Variants in MAF observed in about 807,000 individuals in gnomAD.
The protein encoded by MAF is MAF bZIP transcription factor.
A neutral mutation model predicts 22.0 loss-of-function variants in MAF; 10 were observed. The observed-to-expected ratio is 0.45, with a 90% CI of 0.28 to 0.77. MAF has a LOEUF of 0.77. Ranked by LOEUF, MAF falls within the 30% of genes least tolerant of loss-of-function variation. The probability of loss-of-function intolerance (pLI) is 0.12; values close to 1 mark genes in which losing one functional copy is unlikely to be tolerated. For missense variants in MAF, 544 were observed against 548.4 expected, an observed-to-expected ratio of 0.99 and a Z score of 0.08; for synonymous variants, 337 against 255.8, an observed-to-expected ratio of 1.32 and a Z score of -3.03.
At chr16:79,395,155 G>A in the MAF span, among the ~76,000 whole-genome samples, 1 of 152,170 alleles carries the variant, frequency 6.6e-6, no homozygotes, top group Non-Finnish European at 1.5e-5. Flanking sequence ...AAAGCGGTGG[G>A]CACTGGGACA....
At chr16:79,377,644 C>G in the MAF span, among the ~76,000 whole-genome samples, 2 of 152,006 alleles carry the variant, frequency 1.3e-5, no homozygotes, top group African/African-American at 2.4e-5. Flanking sequence ...TTTCTTCTAG[C>G]GTTTTTATGG....
At chr16:79,511,867 T>C in the MAF span, among the ~76,000 whole-genome samples, 486 of 152,304 alleles carry the variant, frequency 3.2e-3, 2 homozygotes, top group African/African-American at 0.011. Context: ...TAATAAATTC[T>C]ACATATTTAC....
chr16:79,524,597 T>C, the MAF span, among the ~76,000 whole-genome samples: 2 of 152,370 alleles, frequency 1.3e-5, no homozygotes, highest in South Asian at 4.1e-4. Context: ...GGTTGCATTA[T>C]ACATTTTTTA....
At chr16:79,212,963 A>ATTACT in the MAF span, 2 of 152,216 alleles carry the variant, frequency 1.3e-5, no homozygotes, top group African/African-American at 2.4e-5. Context: ...ATGTTTTGTT[A>ATTACT]TTACTTACTT....
At chr16:79,323,075 G>C in the MAF span, among the ~76,000 whole-genome samples, 1 of 146,986 alleles carries the variant, frequency 6.8e-6, no homozygotes. Context: ...GTGTGAACCT[G>C]GGAGGCAGAG....
the MAF span, among the ~76,000 whole-genome samples, chr16:79,471,027 C>G: frequency 6.6e-6 from 1 of 152,190 alleles, no homozygotes; most frequent in Non-Finnish European, 1.5e-5. Context: ...ACCTCCCACC[C>G]TAGTCTTCAC....
the MAF span, among the ~76,000 whole-genome samples, chr16:79,347,114 G>C: frequency 6.6e-6 from 1 of 152,234 alleles, no homozygotes; most frequent in Non-Finnish European, 1.5e-5. Flanking sequence ...AATGCTTCCT[G>C]TTCTTGTGAG....
At chr16:79,376,889 T>C in the MAF span, among the ~76,000 whole-genome samples, 3 of 152,250 alleles carry the variant, frequency 2.0e-5, no homozygotes, top group Admixed American at 6.5e-5. Flanking sequence ...TTCCATGGTG[T>C]ATATATGCCA....
chr16:79,400,326 C>T, the MAF span, among the ~76,000 whole-genome samples: 5 of 152,206 alleles, frequency 3.3e-5, no homozygotes, highest in Non-Finnish European at 5.9e-5. Context: ...CTGACTACAA[C>T]TTGTGCCAGT....
the MAF span, among the ~76,000 whole-genome samples, chr16:79,467,222 A>C: frequency 3.7e-4 from 56 of 152,098 alleles, no homozygotes; most frequent in East Asian, 0.01. Flanking sequence ...GCTCAATTTC[A>C]TTAGGGGGTC....
the MAF span, among the ~76,000 whole-genome samples, chr16:79,402,329 A>T: frequency 2.0e-5 from 3 of 152,338 alleles, no homozygotes; most frequent in Admixed American, 6.5e-5. Context: ...GTGGGTGAGA[A>T]GGAGAGAGAA....
At chr16:79,299,749 C>G in the MAF span, among the ~76,000 whole-genome samples, 1 of 152,372 alleles carries the variant, frequency 6.6e-6, no homozygotes, top group African/African-American at 2.4e-5. Context: ...CCTGGCTCCA[C>G]ATGGGTGCCC....
At chr16:79,457,072 G>T in the MAF span, among the ~76,000 whole-genome samples, 1 of 152,228 alleles carries the variant, frequency 6.6e-6, no homozygotes, top group Non-Finnish European at 1.5e-5. Context: ...GGTCATTGCT[G>T]TTGAAGAAAA....
the MAF span, among the ~76,000 whole-genome samples, chr16:79,429,889 G>T: frequency 6.6e-6 from 1 of 152,144 alleles, no homozygotes; most frequent in Non-Finnish European, 1.5e-5. Context: ...ATAATTTGTA[G>T]GTCTTGCTGG....
chr16:79,380,246 A>C, the MAF span, among the ~76,000 whole-genome samples: 1 of 152,254 alleles, frequency 6.6e-6, no homozygotes, highest in Non-Finnish European at 1.5e-5. Context: ...TATATTCATT[A>C]GAATAGCTGC....
chr16:79,338,520 A>G, the MAF span, among the ~76,000 whole-genome samples: 3 of 152,344 alleles, frequency 2.0e-5, no homozygotes, highest in Non-Finnish European at 4.4e-5. Context: ...AAGATATCCA[A>G]TGAGAACAAT....
the MAF span, among the ~76,000 whole-genome samples, chr16:79,471,527 A>G: frequency 1.3e-5 from 2 of 152,120 alleles, no homozygotes; most frequent in Admixed American, 6.5e-5. Flanking sequence ...ACCCACAAAA[A>G]TTAGTTGGGC....
At chr16:79,572,160 G>C in the MAF span, among the ~76,000 whole-genome samples, 2 of 152,100 alleles carry the variant, frequency 1.3e-5, no homozygotes, top group African/African-American at 4.8e-5. Context: ...TGGAGTCAAA[G>C]AAAACAGTGA....
the MAF span, among the ~76,000 whole-genome samples, chr16:79,333,559 G>A: frequency 6.6e-6 from 1 of 152,168 alleles, no homozygotes; most frequent in Non-Finnish European, 1.5e-5. Flanking sequence ...ATTTTGCTAG[G>A]TGGACAAAAA....
Sources: allele counts gnomAD v4.1 joint callset (sites outside exome capture counted in the v4.1 genomes callset), GRCh38; gene constraint gnomAD v4.1.1; transcripts MANE v1.5; gene names NCBI Gene and HGNC (gene_info 2026-07-23, HGNC 2026-07-21).